NELL1: variants seen among roughly 807,000 people sequenced by gnomAD.
NELL1 encodes the protein neural EGFL like 1.
A neutral mutation model predicts 107.4 loss-of-function variants in NELL1; 76 were observed. The observed-to-expected ratio is 0.71, with a 90% CI of 0.59 to 0.86. The LOEUF (loss-of-function observed/expected upper bound fraction) is 0.86, where lower values mean the gene tolerates loss of function less well. Among genes scored for constraint, NELL1 ranks in the 40% least tolerant of loss-of-function variants. The pLI is 0.00. For synonymous variants in NELL1, 353 were observed against 341.2 expected (o/e 1.03, Z -0.38); for missense variants, 1,024 against 1,005.5 (o/e 1.02, Z -0.25).
At chr11:21,123,632 A>G (rs1855422729) in intron 13 of NELL1, among the ~76,000 whole-genome samples, 1 of 152,160 alleles carries the variant, frequency 6.6e-6, no homozygotes, top group Non-Finnish European at 1.5e-5. Flanking sequence ...AAATTGATAC[A>G]ACCTTTCTTG....
chr11:21,371,100 C>T, intron 15 of NELL1, 152 bp downstream of exon 15: 1 of 597,658 alleles, frequency 1.7e-6, no homozygotes, highest in Non-Finnish European at 2.8e-6. Context: ...AAGTGGGTAC[C>T]TTGCTTAAAA....
intron 12 of NELL1, among the ~76,000 whole-genome samples, chr11:20,963,387 A>T (rs1435868049): frequency 2.0e-5 from 3 of 152,134 alleles, no homozygotes; most frequent in South Asian, 2.1e-4. Context: ...GGAGAATGAG[A>T]TGGCCATCAC....
chr11:21,197,851 C>T (rs1397323553), intron 13 of NELL1, among the ~76,000 whole-genome samples: 1 of 152,188 alleles, frequency 6.6e-6, no homozygotes. Flanking sequence ...TCATATCATA[C>T]CCTGAGCTTG....
chr11:20,705,406 C>T (rs182899370), intron 2 of NELL1, among the ~76,000 whole-genome samples: 265 of 152,080 alleles, frequency 1.7e-3, no homozygotes, highest in African/African-American at 5.3e-3. Flanking sequence ...CAAAAACAAG[C>T]GATGGGGAAA....
chr11:21,436,020 G>A (rs576224284), intron 15 of NELL1, among the ~76,000 whole-genome samples: 15 of 151,894 alleles, frequency 9.9e-5, no homozygotes, highest in Admixed American at 6.6e-5. Flanking sequence ...CTCATTATGT[G>A]TTATTGGTAA....
At chr11:21,286,756 A>G (rs147568060) in intron 14 of NELL1, among the ~76,000 whole-genome samples, 2 of 152,284 alleles carry the variant, frequency 1.3e-5, no homozygotes, top group Non-Finnish European at 2.9e-5. Context: ...TTTCATTTCC[A>G]CTGTTAGATG....
intron 13 of NELL1, among the ~76,000 whole-genome samples, chr11:21,162,818 C>T (rs1308357640): frequency 1.3e-5 from 2 of 152,058 alleles, no homozygotes; most frequent in African/African-American, 4.8e-5. Context: ...TGAATTTGTT[C>T]GGTATACACT....
intron 15 of NELL1, among the ~76,000 whole-genome samples, chr11:21,505,736 C>T (rs886945659): frequency 2.0e-5 from 3 of 152,140 alleles, no homozygotes; most frequent in Non-Finnish European, 4.4e-5. Flanking sequence ...ATAGTAGCTC[C>T]CTGCTCTTCT....
chr11:21,044,648 G>A (rs116218987), intron 12 of NELL1, among the ~76,000 whole-genome samples: 575 of 152,198 alleles, frequency 3.8e-3, no homozygotes, highest in African/African-American at 0.013. Flanking sequence ...AACATCTAGG[G>A]GTCAAGTGGG....
chr11:21,436,720 G>C (rs1033685664), intron 15 of NELL1, among the ~76,000 whole-genome samples: 1 of 152,002 alleles, frequency 6.6e-6, no homozygotes, highest in Non-Finnish European at 1.5e-5. Context: ...GAGGTGCATT[G>C]CTAGGTTATT....
chr11:21,568,923 A>T (rs2134011250), intron 17 of NELL1, among the ~76,000 whole-genome samples: 1 of 151,756 alleles, frequency 6.6e-6, no homozygotes, highest in African/African-American at 2.4e-5. Flanking sequence ...ATTAAAAAAG[A>T]TAGTATACTA....
chr11:21,203,533 A>G (rs561454246), intron 13 of NELL1, among the ~76,000 whole-genome samples: 1 of 149,398 alleles, frequency 6.7e-6, no homozygotes, highest in East Asian at 2.0e-4. Flanking sequence ...GGGTCTCCTG[A>G]ATACAGCACA....
intron 13 of NELL1, among the ~76,000 whole-genome samples, chr11:21,206,356 T>A (rs912746606): frequency 6.6e-6 from 1 of 152,154 alleles, no homozygotes; most frequent in Admixed American, 6.5e-5. Flanking sequence ...AGTCATTGGA[T>A]TTAGGGCCCA....
chr11:20,835,862 G>A (rs950540522), intron 3 of NELL1, among the ~76,000 whole-genome samples: 2 of 151,944 alleles, frequency 1.3e-5, no homozygotes, highest in African/African-American at 2.4e-5. Flanking sequence ...CATAACTTTC[G>A]GTTCAGTGAT....
At chr11:21,539,273 G>A (rs1288766921) in intron 16 of NELL1, among the ~76,000 whole-genome samples, 2 of 152,018 alleles carry the variant, frequency 1.3e-5, no homozygotes, top group Non-Finnish European at 2.9e-5. Context: ...TCTAGGGATG[G>A]GTGCCTGAAA....
chr11:21,099,223 ACACAC>A (rs1854738404), intron 12 of NELL1, among the ~76,000 whole-genome samples: 1 of 142,018 alleles, frequency 7.0e-6, no homozygotes, highest in African/African-American at 2.8e-5. Flanking sequence ...ACACACACAC[ACACAC>A]ACACAAACAC....
At chr11:21,145,006 TTAAAAA>T (rs1195034885) in intron 13 of NELL1, among the ~76,000 whole-genome samples, 4 of 152,274 alleles carry the variant, frequency 2.6e-5, no homozygotes, top group African/African-American at 9.6e-5. Context: ...GTCACAAAAC[TTAAAAA>T]TAACAATACT....
chr11:21,561,029 C>CTGTT (rs1308960455), intron 17 of NELL1, among the ~76,000 whole-genome samples: 1 of 152,068 alleles, frequency 6.6e-6, no homozygotes, highest in Non-Finnish European at 1.5e-5. Context: ...GTCTATTAAA[C>CTGTT]TGTTTGATCT....
chr11:21,012,519 A>T (rs2134289062), intron 12 of NELL1, among the ~76,000 whole-genome samples: 1 of 152,206 alleles, frequency 6.6e-6, no homozygotes. Context: ...CCTCTTGCCC[A>T]CTGTCCAGAT....
Sources: allele counts gnomAD v4.1 joint callset (sites outside exome capture counted in the v4.1 genomes callset), GRCh38; gene constraint gnomAD v4.1.1; transcripts MANE v1.5; gene names NCBI Gene and HGNC (gene_info 2026-07-23, HGNC 2026-07-21).